Variants in THOC5 observed in about 807,000 individuals in gnomAD.
THOC5 encodes the protein Fms-interacting protein.
THOC5 carries 43 observed loss-of-function variants against 92.9 expected under a neutral mutation model. The ratio of observed to expected loss-of-function variants is 0.46; its 90% CI spans 0.36 to 0.60. THOC5 has a LOEUF of 0.60. Among genes scored for constraint, THOC5 ranks in the 20% least tolerant of loss-of-function variants. The pLI, the probability that THOC5 is intolerant of heterozygous loss-of-function variation, is 0.00. For synonymous variants in THOC5, 296 were observed against 320.1 expected (o/e 0.92, Z 0.80); for missense variants, 659 against 849.4 (o/e 0.78, Z 2.79).
chr22:29,531,397 T>C, intron 8 of THOC5: 1 of 985,380 alleles, frequency 1.0e-6, no homozygotes, highest in Non-Finnish European at 1.2e-6. Context: ...AACCTGGAAA[T>C]TCACAACAAA....
rs534366468 is a variant in THOC5 at position 29,526,389 on chromosome 22, G to A, written c.1067-443C>T. On this transcript the variant is annotated intron_variant, in intron 11 of 19. Coordinates refer to ENST00000490103, the MANE Select transcript of THOC5 (RefSeq NM_003678.5). ...CTACTAAAAATACAAAAAATCAGTC[G>A]GGCGTGGTGGCGGGCACCTGTAGTC... Among the ~76,000 whole-genome samples, 40 of 151,964 alleles carry A rather than the reference G, an allele frequency of 2.6e-4. 1 individual carries two copies. The highest frequency in any genetic ancestry group is 7.9e-4 in the Admixed American group (12 of 15,228).
At chr22:29,540,685 G>A (rs1165739047) in intron 5 of THOC5, among the ~76,000 whole-genome samples, 1 of 152,038 alleles carries the variant, frequency 6.6e-6, no homozygotes, top group Non-Finnish European at 1.5e-5. Context: ...TTTTTAATTT[G>A]GAAATAGTTT....
At position 29,528,142 on chromosome 22, in the gene THOC5, G is replaced by A. The variant is rs762759224; in HGVS notation, c.1002C>T (p.Asp334=). 86 of 1,613,976 alleles carry A rather than the reference G, an allele frequency of 5.3e-5. No individual in the cohort carries two copies. Among genetic ancestry groups the A allele is most frequent in the African/African-American group, 6.7e-5 (5 of 74,896 alleles). The change falls in exon 11 of 20, where the codon GAC becomes GAT. Residue 334 remains aspartate (D), a synonymous_variant. Coordinates refer to ENST00000490103, the MANE Select transcript of THOC5 (RefSeq NM_003678.5). ...TCTTCAGCATCTCCTTGCGTTTGTC[G>A]TCCAACTGAACCCCCAGTGTGGGTC... ...RRRPTLGVQL[D]DKRKEMLKRH...
At chr22:29,523,149 G>C (rs945315540) in intron 12 of THOC5, among the ~76,000 whole-genome samples, 1 of 152,058 alleles carries the variant, frequency 6.6e-6, no homozygotes, top group African/African-American at 2.4e-5. Flanking sequence ...GGCTGAGGCA[G>C]GAGAATCACT....
At chr22:29,510,972 T>C in intron 19 of THOC5, 134 bp downstream of exon 19, 1 of 904,570 alleles carries the variant, frequency 1.1e-6, no homozygotes, top group South Asian at 1.7e-5. Flanking sequence ...GAAAAACAGG[T>C]GGACCAGAGT....
intron 8 of THOC5, chr22:29,531,415 A>G: frequency 1.0e-6 from 1 of 1,002,880 alleles, no homozygotes; most frequent in South Asian, 4.4e-5. Context: ...AAAGACATGC[A>G]GCCTGATTCA....
At chr22:29,528,380 G>A in intron 10 of THOC5, 46 bp downstream of exon 10, 1 of 1,614,068 alleles carries the variant, frequency 6.2e-7, no homozygotes, top group South Asian at 1.1e-5. Context: ...GCATGCCCCA[G>A]TGCATGCAGC....
chr22:29,509,980 A>G (rs2063193714), intron 19 of THOC5, among the ~76,000 whole-genome samples: 1 of 152,212 alleles, frequency 6.6e-6, no homozygotes, highest in African/African-American at 2.4e-5. Flanking sequence ...TCTGATTAGA[A>G]ACAGATTATC....
At chr22:29,538,131 C>A (rs5997489) in intron 6 of THOC5, among the ~76,000 whole-genome samples, 1 of 151,872 alleles carries the variant, frequency 6.6e-6, no homozygotes, top group Non-Finnish European at 1.5e-5. Flanking sequence ...TACAGGCACC[C>A]GCCACCATGC....
intron 12 of THOC5, among the ~76,000 whole-genome samples, chr22:29,523,523 A>C (rs1395105413): frequency 6.6e-6 from 1 of 152,202 alleles, no homozygotes; most frequent in Admixed American, 6.5e-5. Context: ...ACAGGTAGAA[A>C]GACGAACACG....
chr22:29,527,240 C>A (rs1478057287), intron 11 of THOC5, among the ~76,000 whole-genome samples: 3 of 151,966 alleles, frequency 2.0e-5, no homozygotes, highest in Non-Finnish European at 4.4e-5. Flanking sequence ...GGCAACATGA[C>A]AAAACCCCAT....
chr22:29,532,009 C>A, intron 7 of THOC5, 46 bp from the exon 8 acceptor site: 2 of 1,595,852 alleles, frequency 1.3e-6, no homozygotes, highest in Non-Finnish European at 8.6e-7. Flanking sequence ...TTAGCCAGTC[C>A]ACACAGGAAA....
intron 13 of THOC5, among the ~76,000 whole-genome samples, chr22:29,520,772 A>C (rs1424936893): frequency 6.6e-6 from 1 of 152,270 alleles, no homozygotes; most frequent in Non-Finnish European, 1.5e-5. Context: ...CTGGGATTAC[A>C]GGCGTGAGCC....
Position 29,517,229 on chromosome 22 carries a change from G to A in THOC5, c.1593+34C>T, listed in dbSNP as rs531100146. The A allele has an allele frequency of 1.1e-5, 18 of 1,609,754 alleles. No homozygotes were observed. The South Asian group carries it at 1.8e-4, about 16-fold the overall frequency. ...GGTGACATGGTCCTGCAATCCTCAGGACAGTAAGGGTAACTTGTCACTCCT... is the reference window on the plus strand; with the variant it reads ...GGTGACATGGTCCTGCAATCCTCAGAACAGTAAGGGTAACTTGTCACTCCT... On this transcript the variant is annotated intron_variant, in intron 16 of 19. Coordinates refer to ENST00000490103, the MANE Select transcript of THOC5 (RefSeq NM_003678.5).
chr22:29,547,868 C>A (rs1002226239), intron 2 of THOC5, among the ~76,000 whole-genome samples: 4 of 152,142 alleles, frequency 2.6e-5, no homozygotes, highest in South Asian at 2.1e-4. Context: ...TTTATTTTCA[C>A]GCTGCTGATA....
intron 14 of THOC5, among the ~76,000 whole-genome samples, chr22:29,519,775 G>C (rs1743482344): frequency 6.6e-6 from 1 of 152,072 alleles, no homozygotes; most frequent in Non-Finnish European, 1.5e-5. Context: ...TGGGATTATA[G>C]GAACGTGCCA....
intron 17 of THOC5, among the ~76,000 whole-genome samples, chr22:29,513,214 G>A (rs1418017057): frequency 6.6e-6 from 1 of 152,086 alleles, no homozygotes; most frequent in African/African-American, 2.4e-5. Flanking sequence ...GCTGGGCGTG[G>A]TGGTGGGCGA....
intron 3 of THOC5, 33 bp downstream of exon 3, chr22:29,544,427 C>G (rs756614903): frequency 1.2e-6 from 2 of 1,603,806 alleles, no homozygotes; most frequent in East Asian, 4.5e-5. Flanking sequence ...TGTAAACCCA[C>G]CAGGTTCACG....
chr22:29,528,983 G>A (rs1358769603), intron 9 of THOC5, 179 bp downstream of exon 9: 6 of 615,490 alleles, frequency 9.7e-6, no homozygotes, highest in Non-Finnish European at 1.7e-5. Context: ...TGAAATCCAC[G>A]GGCCGCACCT....
Sources: gnomAD v4.1 joint callset for allele counts (sites outside exome capture counted in the v4.1 genomes callset) on GRCh38, gnomAD v4.1.1 for gene constraint, MANE v1.5 for transcripts, NCBI Gene and HGNC (gene_info 2026-07-23, HGNC 2026-07-21) for gene names.